Variants in ME3 observed in about 807,000 individuals in gnomAD.
The protein encoded by ME3 is malic enzyme 3.
Under a neutral mutation model 68.9 loss-of-function variants are expected in ME3, and 48 were observed. That is an observed-to-expected ratio of 0.70 (90% confidence interval 0.55 to 0.89). The LOEUF is 0.89. Ranked by LOEUF, ME3 falls within the 40% of genes least tolerant of loss-of-function variation. The pLI, the probability that ME3 is intolerant of heterozygous loss-of-function variation, is 0.00. For synonymous variants in ME3, 320 were observed against 318.8 expected (o/e 1.00, Z -0.04); for missense variants, 675 against 797.4 (o/e 0.85, Z 1.85).
At chr11:86,651,569 A>G (rs1051324870) in intron 2 of ME3, among the ~76,000 whole-genome samples, 1 of 152,236 alleles carries the variant, frequency 6.6e-6, no homozygotes, top group Non-Finnish European at 1.5e-5. Context: ...AACAGAAAGG[A>G]CATCCACACC....
intron 2 of ME3, among the ~76,000 whole-genome samples, chr11:86,621,783 T>C (rs1943365085): frequency 6.6e-6 from 1 of 151,906 alleles, no homozygotes. Context: ...GTTGGAATAA[T>C]GGGGAGAGGG....
intron 4 of ME3, among the ~76,000 whole-genome samples, chr11:86,551,803 G>A (rs1420238551): frequency 6.6e-6 from 1 of 152,314 alleles, no homozygotes; most frequent in Non-Finnish European, 1.5e-5. Context: ...AGGGCCAAGG[G>A]CTGCTGGCTT....
chr11:86,567,512 G>C (rs1957553177), intron 2 of ME3, among the ~76,000 whole-genome samples: 1 of 152,190 alleles, frequency 6.6e-6, no homozygotes, highest in African/African-American at 2.4e-5. Context: ...CCTTGGCTCA[G>C]AGCACCTTAG....
intron 2 of ME3, among the ~76,000 whole-genome samples, chr11:86,571,549 G>A (rs1247128267): frequency 6.6e-6 from 1 of 152,222 alleles, no homozygotes; most frequent in Non-Finnish European, 1.5e-5. Context: ...GTACAACTGA[G>A]AAATTGAATT....
chr11:86,604,904 T>A (rs1961389981), intron 2 of ME3, among the ~76,000 whole-genome samples: 1 of 152,220 alleles, frequency 6.6e-6, no homozygotes. Context: ...TTAATAACAT[T>A]TAGTGCATTC....
chr11:86,631,033 G>A (rs995006319), intron 2 of ME3, among the ~76,000 whole-genome samples: 5 of 152,354 alleles, frequency 3.3e-5, no homozygotes, highest in East Asian at 1.9e-4. Context: ...AGGACCAACC[G>A]AGTCACAGAT....
chr11:86,577,342 C>A (rs1236933810), intron 2 of ME3, among the ~76,000 whole-genome samples: 1 of 152,222 alleles, frequency 6.6e-6, no homozygotes, highest in Non-Finnish European at 1.5e-5. Flanking sequence ...AATGAGAAGA[C>A]TGCCAACCCC....
At chr11:86,612,519 A>G (rs1053393960) in intron 2 of ME3, among the ~76,000 whole-genome samples, 2 of 152,214 alleles carry the variant, frequency 1.3e-5, no homozygotes, top group Non-Finnish European at 2.9e-5. Context: ...ACTAATTTAC[A>G]TCCCCACCAA....
intron 7 of ME3, among the ~76,000 whole-genome samples, chr11:86,481,438 C>G (rs1173291397): frequency 6.6e-6 from 1 of 152,052 alleles, no homozygotes; most frequent in Non-Finnish European, 1.5e-5. Flanking sequence ...AGGTCTCAAC[C>G]CAGGCCTTCT....
At chr11:86,644,828 G>T (rs555634497) in intron 2 of ME3, among the ~76,000 whole-genome samples, 1 of 152,334 alleles carries the variant, frequency 6.6e-6, no homozygotes, top group African/African-American at 2.4e-5. Flanking sequence ...AACACAGAAG[G>T]CGGGTGATTT....
At chr11:86,500,679 A>G (rs1453329824) in intron 5 of ME3, among the ~76,000 whole-genome samples, 1 of 152,210 alleles carries the variant, frequency 6.6e-6, no homozygotes, top group Non-Finnish European at 1.5e-5. Flanking sequence ...ATCTCCTGCT[A>G]TACATCTGTA....
intron 6 of ME3, among the ~76,000 whole-genome samples, chr11:86,491,132 T>C (rs1951984966): frequency 6.6e-6 from 1 of 152,234 alleles, no homozygotes; most frequent in Non-Finnish European, 1.5e-5. Flanking sequence ...TATGTTTGTA[T>C]AGAGCTTTCA....
intron 2 of ME3, among the ~76,000 whole-genome samples, chr11:86,591,958 T>C (rs773202054): frequency 6.6e-6 from 1 of 151,896 alleles, no homozygotes; most frequent in Non-Finnish European, 1.5e-5. Context: ...TGTGAGAAAA[T>C]AAATTTCTAT....
chr11:86,437,356 G>A (rs955391693), downstream of ME3: 2 of 152,026 alleles, frequency 1.3e-5, no homozygotes, highest in African/African-American at 2.4e-5. Flanking sequence ...TTTGCTATTG[G>A]ACCACACAGC....
At chr11:86,546,621 A>G (rs1956374075) in intron 4 of ME3, among the ~76,000 whole-genome samples, 1 of 152,352 alleles carries the variant, frequency 6.6e-6, no homozygotes, top group African/African-American at 2.4e-5. Context: ...ATGAGATACC[A>G]TCTCATGCCA....
At chr11:86,600,329 C>T (rs1203050243) in intron 2 of ME3, among the ~76,000 whole-genome samples, 2 of 152,122 alleles carry the variant, frequency 1.3e-5, no homozygotes, top group African/African-American at 4.8e-5. Context: ...AGACTCTAAA[C>T]CAACAAAGAT....
intron 1 of ME3, 123 bp from the exon 2 acceptor site, chr11:86,672,081 G>T (rs1946990699): frequency 3.7e-6 from 3 of 810,572 alleles, no homozygotes; most frequent in South Asian, 3.1e-5. Flanking sequence ...GCTCCCAAAG[G>T]GTTAAATGTT....
At chr11:86,546,797 C>T (rs900289391) in intron 4 of ME3, among the ~76,000 whole-genome samples, 8 of 152,128 alleles carry the variant, frequency 5.3e-5, no homozygotes, top group African/African-American at 1.9e-4. Context: ...ACAATTTGAC[C>T]CAGCAATCCC....
rs748553509 is a variant in ME3, at chr11:86,531,989, AACC to A, written c.468-23125_468-23123del. On this transcript the variant is annotated intron_variant, in intron 4 of 14. Transcript: ENST00000543262. ...CTTAAAGTATAATTAAAAAAAACCA[AACC>A]AAAAAAAAACCAGAAACTGAAAGTG... Among the ~76,000 whole-genome samples the A allele has an allele frequency of 3.2e-3, 479 of 148,940 alleles. 8 individuals carry two copies. Among genetic ancestry groups the A allele is most frequent in the African/African-American group, 0.012 (463 of 39,786 alleles).
Sources: gnomAD v4.1 joint callset for allele counts (sites outside exome capture counted in the v4.1 genomes callset) on GRCh38, gnomAD v4.1.1 for gene constraint, MANE v1.5 for transcripts, NCBI Gene and HGNC (gene_info 2026-07-23, HGNC 2026-07-21) for gene names.